The following ARL6IP4 variants were observed in gnomAD, a reference collection of about 807,000 sequenced individuals.
The protein encoded by ARL6IP4 is ADP-ribosylation factor-like protein 6-interacting protein 4.
Under a neutral mutation model 28.1 loss-of-function variants are expected in ARL6IP4, and 24 were observed. The observed-to-expected ratio is 0.86, with a 90% CI of 0.62 to 1.20. The LOEUF (loss-of-function observed/expected upper bound fraction) is 1.20, where lower values mean the gene tolerates loss of function less well. ARL6IP4 is among the 50% of genes most tolerant of loss of function. The pLI, the probability that ARL6IP4 is intolerant of heterozygous loss-of-function variation, is 0.00. For synonymous variants in ARL6IP4, 162 were observed against 122.3 expected (o/e 1.32, Z -2.14); for missense variants, 343 against 302.4 (o/e 1.13, Z -1.00).
rs2037755821 is a variant in ARL6IP4, at chr12:122,982,751, G to A, written c.*75G>A. ...GCAGGTTTCAGGGTGCCAGTGGGAA[G>A]CCTGATGGGTGCTGGTGGCCTTTCC... is the stretch of plus-strand genomic sequence containing the variant. On this transcript the variant is annotated 3_prime_UTR_variant, in exon 6 of 6. Coordinates refer to ENST00000315580, the MANE Select transcript of ARL6IP4 (RefSeq NM_018694.4). 13 of 1,452,118 alleles carry A rather than the reference G, an allele frequency of 9.0e-6. No individual in the cohort carries two copies. Among genetic ancestry groups the A allele is most frequent in the African/African-American group, 5.6e-5 (4 of 71,724 alleles). The allele number at this position is 1,452,118 out of a possible 1,614,324, so 90.0% of individuals were successfully genotyped here.
upstream of ARL6IP4, chr12:122,980,652 G>A (rs1284574377): frequency 7.2e-7 from 1 of 1,386,710 alleles, no homozygotes. Context: ...CAGCCGGCCA[G>A]CCTCCCGCGC....
chr12:122,981,399 G>A, intron 2 of ARL6IP4, 100 bp downstream of exon 2: 2 of 1,440,810 alleles, frequency 1.4e-6, no homozygotes, highest in South Asian at 1.5e-5. Flanking sequence ...TGTGCAGCCG[G>A]GCCTGAGATG....
At chr12:122,980,528 C>A (rs568995765), upstream of ARL6IP4, 49 of 1,370,186 alleles carry the variant, frequency 3.6e-5, no homozygotes, top group African/African-American at 6.7e-4. Flanking sequence ...CAGACACAGG[C>A]GTGAGGGGCT....
In ARL6IP4 at chr12:122,981,719, G is replaced by T. The variant is rs1566219332; in HGVS notation, c.309G>T (p.Lys103Asn). ...CTTCCTCCAGTGATGGCCGGAAGAA[G>T]CGGGGGAAGTACAAGGACAAGAGGA... ...SSSSSSDGRKKRGKYKDKRRK... is the reference protein window; with the variant it reads ...SSSSSSDGRKNRGKYKDKRRK... The change falls in exon 3 of 6, where the codon AAG becomes AAT. Residue 103 changes from lysine to asparagine, a missense_variant. Physicochemically the swap from Lys to Asn is moderately conservative, Grantham distance 94. Coordinates refer to ENST00000315580, the MANE Select transcript of ARL6IP4 (RefSeq NM_018694.4). The T allele has an allele frequency of 3.2e-6, 5 of 1,553,110 alleles. No homozygotes were observed. In the East Asian group the frequency reaches 9.7e-5, roughly 30 times the overall value.
chr12:122,980,340 G>T, upstream of ARL6IP4: 2 of 1,306,650 alleles, frequency 1.5e-6, no homozygotes, highest in Middle Eastern at 2.9e-4. Flanking sequence ...GTCACTGGGT[G>T]GGCGCGTCGG....
Position 122,982,778 on chromosome 12 carries a change from C to A in ARL6IP4, c.*102C>A, listed in dbSNP as rs11546826. The stretch of plus-strand genomic sequence containing the variant: ...CTGATGGGTGCTGGTGGCCTTTCCC[C>A]CGTGGATTGGTCTCTGGCCCAGCCC... On this transcript the variant is annotated 3_prime_UTR_variant, in exon 6 of 6. Transcript: ENST00000315580. The A allele has an allele frequency of 2.4e-6, 3 of 1,269,134 alleles. No homozygotes were observed. Among genetic ancestry groups the A allele is most frequent in the South Asian group, 1.2e-5 (1 of 80,602 alleles). The allele number at this position is 1,269,134 out of a possible 1,614,324, so 78.6% of individuals were successfully genotyped here. A position where few individuals can be genotyped will look rare whatever the true frequency, so the allele number is the denominator to read the frequency against.
chr12:122,982,357 A>G, intron 4 of ARL6IP4, 112 bp from the exon 5 acceptor site: 1 of 1,104,576 alleles, frequency 9.1e-7, no homozygotes, highest in Admixed American at 2.1e-5. Flanking sequence ...TGTCCACTCA[A>G]GGCTGCGGGG....
intron 4 of ARL6IP4, 110 bp downstream of exon 4, chr12:122,982,184 C>T: frequency 3.9e-6 from 5 of 1,275,972 alleles, no homozygotes; most frequent in Non-Finnish European, 5.7e-6. Context: ...CTGAAAAAGG[C>T]CAAATGTGGG....
chr12:122,980,703 G>T lies in ARL6IP4; in HGVS notation c.-54G>T, dbSNP rs374657928. ...AGCCTCCTCGCCGCCGCTTCCTCTC[G>T]AGAAGGCGCGGGGCGGGCTGTCCGG... On this transcript the variant is annotated 5_prime_UTR_variant, in exon 1 of 6. Transcript: ENST00000315580. 7 of 1,333,514 alleles carry T rather than the reference G, an allele frequency of 5.2e-6. No homozygotes were observed. The highest frequency in any genetic ancestry group is 4.1e-5 in the Admixed American group (1 of 24,614). The allele number at this position is 1,333,514 out of a possible 1,614,324, so 82.6% of individuals were successfully genotyped here. A position where few individuals can be genotyped will look rare whatever the true frequency, so the allele number is the denominator to read the frequency against.
rs751777545 is a variant in ARL6IP4, at chr12:122,981,853, C to T, written c.443C>T (p.Ser148Leu). ...CCCTCGCTGGACCAGTGGCACCGAT[C>T]AGCTGGGGAGGAAGAGGATGGCCCA... Reference protein sequence around the residue: ...PGPSLDQWHRSAGEEEDGPVL... With the variant: ...PGPSLDQWHRLAGEEEDGPVL... The change falls in exon 3 of 6, where the codon TCA (serine) becomes TTA (leucine). Residue 148 changes from serine to leucine, a missense_variant. By Grantham distance (145) the Ser-to-Leu change is moderately radical (BLOSUM62 -2). Transcript: ENST00000315580. 3 of 1,610,606 alleles carry T rather than the reference C, an allele frequency of 1.9e-6. No homozygotes were observed. Among genetic ancestry groups the T allele is most frequent in the Non-Finnish European group, 2.5e-6 (3 of 1,177,960 alleles).
intron 2 of ARL6IP4, 87 bp downstream of exon 2, chr12:122,981,386 C>T (rs1050553011): frequency 5.3e-5 from 77 of 1,464,960 alleles, no homozygotes; most frequent in Admixed American, 2.5e-5. Flanking sequence ...TCAGTCATGC[C>T]TCTGTGCAGC....
Position 122,981,953 on chromosome 12 carries a change from C to T in ARL6IP4, c.470-4C>T, listed in dbSNP as rs764099490. The T allele has an allele frequency of 1.9e-6, 3 of 1,613,696 alleles. No individual in the cohort carries two copies. The highest frequency in any genetic ancestry group is 2.2e-5 in the South Asian group (2 of 91,086). ...CTGGCCACCACCTCCGTCTTCCCTT[C>T]CAGTCCTGACGGATGAGCAGAAGTC... On this transcript the variant is annotated splice_polypyrimidine_tract_variant and splice_region_variant and intron_variant, in intron 3 of 5. Transcript: ENST00000315580.
At chr12:122,980,550 G>A (rs2037596204), upstream of ARL6IP4, 4 of 1,353,960 alleles carry the variant, frequency 3.0e-6, no homozygotes, top group Non-Finnish European at 3.8e-6. Context: ...CGGAGCTCGA[G>A]GGCCGGCGCC....
chr12:122,980,327 T>G, upstream of ARL6IP4: 2 of 1,301,404 alleles, frequency 1.5e-6, no homozygotes, highest in Non-Finnish European at 1.9e-6. Flanking sequence ...TTGCGACCTC[T>G]GAGTCACTGG....
At chr12:122,982,597 C>T (rs117535300) in intron 5 of ARL6IP4, 23 bp from the exon 6 acceptor site, 9 of 1,614,078 alleles carry the variant, frequency 5.6e-6, no homozygotes, top group Middle Eastern at 1.6e-4. Context: ...TGTACCCCTC[C>T]TCCTGTGTGC....
upstream of ARL6IP4, chr12:122,980,434 G>T: frequency 1.5e-6 from 2 of 1,362,706 alleles, no homozygotes; most frequent in Non-Finnish European, 9.5e-7. Context: ...GCGCGCGAGG[G>T]TCGCCTTCTT....
upstream of ARL6IP4, chr12:122,980,673 C>G: frequency 7.4e-7 from 1 of 1,353,730 alleles, no homozygotes; most frequent in Non-Finnish European, 9.4e-7. Flanking sequence ...AGCGCCCCGG[C>G]CGGAAGCCTC....
intron 4 of ARL6IP4, 144 bp from the exon 5 acceptor site, chr12:122,982,325 G>T: frequency 2.3e-6 from 2 of 885,354 alleles, no homozygotes; most frequent in Non-Finnish European, 3.5e-6. Context: ...TCATCAGGGA[G>T]AGTGGGTGAG....
At chr12:122,982,342 G>T in intron 4 of ARL6IP4, 127 bp from the exon 5 acceptor site, 1 of 977,908 alleles carries the variant, frequency 1.0e-6, no homozygotes, top group Non-Finnish European at 1.5e-6. Context: ...TGAGGCCCCA[G>T]GGTCTGTCCA....
Sources: allele counts gnomAD v4.1 joint callset, GRCh38; gene constraint gnomAD v4.1.1; transcripts MANE v1.5; gene names NCBI Gene and HGNC (gene_info 2026-07-23, HGNC 2026-07-21).